Variants in TMEM41B observed in about 807,000 individuals in gnomAD.
TMEM41B encodes the protein transmembrane protein 41B.
In TMEM41B, 18 loss-of-function variants were observed where a neutral mutation model predicts 31.9. The observed-to-expected ratio is 0.56, with a 90% CI of 0.39 to 0.84. The LOEUF is 0.84. Ranked by LOEUF, TMEM41B falls within the 40% of genes least tolerant of loss-of-function variation. The pLI is 0.00. For synonymous variants in TMEM41B, 144 were observed against 124.3 expected, an observed-to-expected ratio of 1.16 and a Z score of -1.05; for missense variants, 322 against 348.0, an observed-to-expected ratio of 0.93 and a Z score of 0.59.
chr11:9,286,649 G>C (rs538076990), intron 5 of TMEM41B, 56 bp from the exon 6 acceptor site: 6 of 1,522,244 alleles, frequency 3.9e-6, no homozygotes, highest in Non-Finnish European at 5.3e-6. Flanking sequence ...AAAATAAGTT[G>C]CTTAATATAA....
chr11:9,283,719 A>G, intron 6 of TMEM41B, 126 bp from the exon 7 acceptor site: 5 of 756,322 alleles, frequency 6.6e-6, no homozygotes, highest in Non-Finnish European at 1.0e-5. Flanking sequence ...AAAAATTAAG[A>G]ATTTAAAGCT....
At chr11:9,305,979 C>CTTTTTTTTTTTTTT (rs746744551) in intron 1 of TMEM41B, among the ~76,000 whole-genome samples, 1 of 118,004 alleles carries the variant, frequency 8.5e-6, no homozygotes, top group Non-Finnish European at 1.7e-5. Flanking sequence ...CAGCACTTTT[C>CTTTTTTTTTTTTTT]TTTTTTTTTT....
chr11:9,297,421 C>T (rs1377429759), intron 2 of TMEM41B, among the ~76,000 whole-genome samples: 1 of 152,154 alleles, frequency 6.6e-6, no homozygotes, highest in Non-Finnish European at 1.5e-5. Flanking sequence ...AGGCTGGGCG[C>T]AGTGGCCTAG....
At chr11:9,285,833 A>AGGGCTGG (rs1852824277) in intron 6 of TMEM41B, among the ~76,000 whole-genome samples, 1 of 151,556 alleles carries the variant, frequency 6.6e-6, no homozygotes. Flanking sequence ...AAAAAAAGAA[A>AGGGCTGG]GGGCTGGGTG....
In TMEM41B at chr11:9,293,007, T is replaced by C. The variant is rs187355049; in HGVS notation, c.368+2252A>G. On this transcript the variant is annotated intron_variant, in intron 3 of 6. Transcript: ENST00000528080. ...GCTATTCTCTTTTTTCATTTTGATT[T>C]TGTAATTATGTAAAACATTTACTTG... Among the ~76,000 whole-genome samples, 17 of 152,326 alleles carry C rather than the reference T, an allele frequency of 1.1e-4. No individual in the cohort carries two copies. The East Asian group carries it at 2.9e-3, about 26-fold the overall frequency.
Position 9,283,331 on chromosome 11 carries a change from A to T in TMEM41B, c.*93T>A. On this transcript the variant is annotated 3_prime_UTR_variant, in exon 7 of 7. Transcript: ENST00000528080. ...ATTTTATTTTACAAATTCCTTGTTT[A>T]ATTACTGAAGAGGTGATTTTAAAAC... 2 of 957,382 alleles carry T rather than the reference A, an allele frequency of 2.1e-6. No individual in the cohort carries two copies. The highest frequency in any genetic ancestry group is 3.0e-6 in the Non-Finnish European group (2 of 658,312). 59.3% of individuals were successfully genotyped at this position (957,382 alleles called of 1,614,324 possible). A position where few individuals can be genotyped will look rare whatever the true frequency, so the allele number is the denominator to read the frequency against.
chr11:9,308,270 G>A (rs1001497237), intron 1 of TMEM41B, among the ~76,000 whole-genome samples: 1 of 152,162 alleles, frequency 6.6e-6, no homozygotes, highest in African/African-American at 2.4e-5. Context: ...TTGAACCTGG[G>A]AGATGGGGGT....
At chr11:9,286,214 A>T (rs1260690745) in intron 6 of TMEM41B, among the ~76,000 whole-genome samples, 1 of 152,194 alleles carries the variant, frequency 6.6e-6, no homozygotes, top group Non-Finnish European at 1.5e-5. Flanking sequence ...TTAACCCTAT[A>T]TCATTAAAAC....
Position 9,283,338 on chromosome 11 carries a change from G to A in TMEM41B, c.*86C>T. 4.8e-6 allele frequency: 5 copies of A among 1,032,374 alleles called. No homozygotes were observed. Among genetic ancestry groups the A allele is most frequent in the South Asian group, 1.7e-5 (1 of 58,572 alleles). 64.0% of individuals were successfully genotyped at this position (1,032,374 alleles called of 1,614,324 possible). ...TTTACAAATTCCTTGTTTAATTACT[G>A]AAGAGGTGATTTTAAAACATAAATG... On this transcript the variant is annotated 3_prime_UTR_variant, in exon 7 of 7. Coordinates refer to ENST00000528080, the MANE Select transcript of TMEM41B (RefSeq NM_015012.4).
intron 1 of TMEM41B, chr11:9,311,773 C>G (rs544929524): frequency 2.5e-4 from 153 of 604,342 alleles, no homozygotes; most frequent in African/African-American, 2.4e-3. Flanking sequence ...CACCTCCTGT[C>G]TGCTCTCTCA....
chr11:9,297,026 G>A (rs1390693963), intron 2 of TMEM41B, among the ~76,000 whole-genome samples: 1 of 152,150 alleles, frequency 6.6e-6, no homozygotes, highest in Non-Finnish European at 1.5e-5. Context: ...AGGTTCAAGT[G>A]ATCCTCCCAC....
intron 3 of TMEM41B, among the ~76,000 whole-genome samples, chr11:9,292,013 CTTTTT>C (rs962596135): frequency 1.3e-5 from 2 of 152,068 alleles, no homozygotes; most frequent in Non-Finnish European, 2.9e-5. Context: ...GCCTCCTTTT[CTTTTT>C]AACATAAATA....
At chr11:9,313,767 G>A (rs1384629383) in intron 1 of TMEM41B, among the ~76,000 whole-genome samples, 2 of 152,098 alleles carry the variant, frequency 1.3e-5, no homozygotes, top group South Asian at 2.1e-4. Flanking sequence ...CTATTAAGTA[G>A]ATATTATTAT....
intron 3 of TMEM41B, among the ~76,000 whole-genome samples, chr11:9,289,920 T>A (rs1852916501): frequency 6.6e-6 from 1 of 152,174 alleles, no homozygotes; most frequent in African/African-American, 2.4e-5. Flanking sequence ...TTTGATAAAT[T>A]TGGCAATTTC....
intron 1 of TMEM41B, among the ~76,000 whole-genome samples, chr11:9,306,818 C>T (rs1276177276): frequency 1.3e-5 from 2 of 152,190 alleles, no homozygotes; most frequent in African/African-American, 2.4e-5. Context: ...TATTTCAAGT[C>T]ACTTTAAGCC....
chr11:9,303,549 C>G (rs1853305880), intron 1 of TMEM41B, among the ~76,000 whole-genome samples: 1 of 151,808 alleles, frequency 6.6e-6, no homozygotes, highest in Admixed American at 6.6e-5. Context: ...CTTACCTATT[C>G]ATTAAATTTA....
chr11:9,292,553 G>A (rs1278947274), intron 3 of TMEM41B, among the ~76,000 whole-genome samples: 1 of 152,078 alleles, frequency 6.6e-6, no homozygotes, highest in African/African-American at 2.4e-5. Flanking sequence ...GGCTAGGCCT[G>A]GTGACTCACA....
chr11:9,283,903 GC>G (rs1249857070), intron 6 of TMEM41B, among the ~76,000 whole-genome samples: 1 of 151,786 alleles, frequency 6.6e-6, no homozygotes, highest in Non-Finnish European at 1.5e-5. Flanking sequence ...TCCTGCCTCA[GC>G]CTCCCGAGTA....
In TMEM41B at chr11:9,283,450, T is replaced by C; in HGVS notation, c.850A>G (p.Lys284Glu). The C allele has an allele frequency of 6.2e-7, 1 of 1,602,596 alleles. No individual in the cohort carries two copies. Among genetic ancestry groups the C allele is most frequent in the Non-Finnish European group, 8.5e-7 (1 of 1,176,902 alleles). ...TACTCAAATTTCTGCTTTAGTTTTT[T>C]TTGGAAGATGGCTGGCAGAATAGAA... is the stretch of plus-strand genomic sequence containing the variant. ...VLSILPAIFQ[K>E]KLKQKFE Residue 284 changes from lysine (K) to glutamate (E), a missense_variant, in exon 7 of 7, where the codon AAA (lysine) becomes GAA (glutamate). By Grantham distance (56) the Lys-to-Glu change is moderately conservative. Transcript: ENST00000528080.
Sources: allele counts gnomAD v4.1 joint callset (sites outside exome capture counted in the v4.1 genomes callset), GRCh38; gene constraint gnomAD v4.1.1; transcripts MANE v1.5; gene names NCBI Gene and HGNC (gene_info 2026-07-23, HGNC 2026-07-21).